Variants in CALN1 observed in about 807,000 individuals in gnomAD.
CALN1 encodes calcium-binding protein 8.
A neutral mutation model predicts 30.6 loss-of-function variants in CALN1; 17 were observed. That is an observed-to-expected ratio of 0.56 (90% CI 0.38 to 0.83). The LOEUF (loss-of-function observed/expected upper bound fraction) is 0.83. CALN1 is among the 40% of genes least tolerant of loss of function. CALN1 has a pLI of 0.00. For synonymous variants in CALN1, 156 were observed against 131.4 expected (o/e 1.19, Z -1.28); for missense variants, 291 against 354.9 (o/e 0.82, Z 1.45).
At chr7:72,301,947 G>A (rs2129555690) in intron 2 of CALN1, among the ~76,000 whole-genome samples, 1 of 152,178 alleles carries the variant, frequency 6.6e-6, no homozygotes, top group South Asian at 2.1e-4. Context: ...GACAGAAAAG[G>A]TGACCCCAGA....
intron 1 of CALN1, among the ~76,000 whole-genome samples, chr7:72,405,512 C>T (rs887363960): frequency 6.6e-5 from 10 of 152,152 alleles, no homozygotes; most frequent in African/African-American, 1.9e-4. Context: ...ATGGCTCCCA[C>T]GCAACTTCAC....
chr7:72,085,438 A>C (rs1241619840), intron 4 of CALN1, among the ~76,000 whole-genome samples: 1 of 152,162 alleles, frequency 6.6e-6, no homozygotes, highest in African/African-American at 2.4e-5. Flanking sequence ...ATCATTAGTT[A>C]TTGTAATCTC....
chr7:72,222,015 C>T (rs894295520), intron 3 of CALN1, among the ~76,000 whole-genome samples: 2 of 152,000 alleles, frequency 1.3e-5, no homozygotes, highest in East Asian at 3.9e-4. Context: ...CATTTGGGCT[C>T]AGGTGTTTGA....
chr7:72,037,471 T>A (rs1801871773), intron 4 of CALN1, among the ~76,000 whole-genome samples: 1 of 152,178 alleles, frequency 6.6e-6, no homozygotes, highest in Non-Finnish European at 1.5e-5. Context: ...TTTTTGATAG[T>A]CGAACCATAT....
intron 2 of CALN1, among the ~76,000 whole-genome samples, chr7:72,324,212 C>T (rs1354178071): frequency 6.6e-6 from 1 of 152,044 alleles, no homozygotes; most frequent in Non-Finnish European, 1.5e-5. Flanking sequence ...TAAGCCTCCC[C>T]AGAGAATTTT....
intron 5 of CALN1, among the ~76,000 whole-genome samples, chr7:71,858,255 G>A (rs1234102388): frequency 2.6e-5 from 4 of 152,104 alleles, no homozygotes; most frequent in Non-Finnish European, 1.5e-5. Context: ...GAAGAAGGAC[G>A]TGTTTGCTTC....
At chr7:71,823,051 A>G (rs977750825) in intron 5 of CALN1, among the ~76,000 whole-genome samples, 1 of 152,218 alleles carries the variant, frequency 6.6e-6, no homozygotes, top group East Asian at 1.9e-4. Flanking sequence ...CATTCTTAGA[A>G]TTCTGATAAT....
intron 4 of CALN1, among the ~76,000 whole-genome samples, chr7:72,040,894 A>C (rs1468889552): frequency 6.6e-6 from 1 of 152,150 alleles, no homozygotes; most frequent in Non-Finnish European, 1.5e-5. Context: ...CAAAAAAATA[A>C]ACAAATTTCT....
the CALN1 span, among the ~76,000 whole-genome samples, chr7:72,470,004 C>T: frequency 6.6e-6 from 1 of 152,070 alleles, no homozygotes; most frequent in Non-Finnish European, 1.5e-5. Context: ...GAATTACTCC[C>T]TTCAGTTTCC....
At chr7:72,112,420 G>A (rs1807646128) in intron 3 of CALN1, among the ~76,000 whole-genome samples, 1 of 152,158 alleles carries the variant, frequency 6.6e-6, no homozygotes, top group South Asian at 2.1e-4. Context: ...TGCATAAAGT[G>A]ATGGCTTTAT....
At position 71,780,213 on chromosome 7, in the gene CALN1, G is replaced by T. The variant is rs1020842402; in HGVS notation, c.*7562C>A. On this transcript the variant is annotated 3_prime_UTR_variant, in exon 7 of 7. Transcript: ENST00000395275. The stretch of plus-strand genomic sequence containing the variant: ...CCCCTGAAAGCTGATTTTGAGCTAA[G>T]AAAGAGAAAATATGCTTTAATTTTC... 1 of 152,330 alleles carries T rather than the reference G, an allele frequency of 6.6e-6. No individual in the cohort carries two copies. The highest frequency in any genetic ancestry group is 6.5e-5 in the Admixed American group (1 of 15,294). 9.4% of individuals were successfully genotyped at this position (152,330 alleles called of 1,614,324 possible).
intron 3 of CALN1, among the ~76,000 whole-genome samples, chr7:72,274,123 T>C (rs1797186185): frequency 6.6e-6 from 1 of 151,560 alleles, no homozygotes; most frequent in South Asian, 2.1e-4. Context: ...AATAGGAAAA[T>C]AAATTAAGAT....
At chr7:72,140,276 AAGAGAGAGAGAGAG>A (rs71069028) in intron 3 of CALN1, among the ~76,000 whole-genome samples, 3 of 119,958 alleles carry the variant, frequency 2.5e-5, no homozygotes, top group East Asian at 2.5e-4. Context: ...GTCTCAAAAT[AAGAGAGAGAGAGAG>A]AGAGAGAGAG....
chr7:71,861,802 AG>A, intron 5 of CALN1, among the ~76,000 whole-genome samples: 1 of 138,068 alleles, frequency 7.2e-6, no homozygotes, highest in Non-Finnish European at 1.6e-5. Flanking sequence ...AAAAAAAAAG[AG>A]AGAGAGAGTA....
At chr7:72,369,004 G>A (rs867686574) in intron 2 of CALN1, among the ~76,000 whole-genome samples, 54 of 151,418 alleles carry the variant, frequency 3.6e-4, no homozygotes, top group African/African-American at 1.2e-3. Flanking sequence ...TAGTAGAAAC[G>A]GGGTTTCACC....
rs913598467 is a variant in CALN1, at chr7:72,111,492, C to T, written c.245-5198G>A. 2.0e-5 allele frequency among the ~76,000 whole-genome samples: 3 copies of T among 152,110 alleles called. No homozygotes were observed. In the East Asian group the frequency reaches 5.8e-4, roughly 29 times the overall value. On this transcript the variant is annotated intron_variant, in intron 3 of 6. Coordinates refer to ENST00000395275, the MANE Select transcript of CALN1 (RefSeq NM_031468.4). ...TTTTTTTTTCTGAGATAGTCTTGCT[C>T]TGTTGCCCAGGCTGAAGTGCAGTGG...
rs759811191 is a variant in CALN1, at chr7:72,395,376, C to CACACAT, written c.119+7874_119+7875insATGTGT. Among the ~76,000 whole-genome samples, 535 of 152,000 alleles carry CACACAT rather than the reference C, an allele frequency of 3.5e-3. 4 individuals are homozygous for CACACAT. Among genetic ancestry groups the CACACAT allele is most frequent in the Non-Finnish European group, 3.9e-3 (263 of 67,938 alleles). On this transcript the variant is annotated intron_variant, in intron 2 of 6. Transcript: ENST00000395275. ...ACGCGCGCGCACACACACACACACA[C>CACACAT]ATATCCAGGGTTCCAGGCTCAAACT...
intron 5 of CALN1, among the ~76,000 whole-genome samples, chr7:71,866,005 T>C (rs1306483672): frequency 2.0e-5 from 3 of 151,698 alleles, no homozygotes; most frequent in Non-Finnish European, 2.9e-5. Context: ...ACAAGGCACA[T>C]TTTTTTTCTT....
intron 4 of CALN1, among the ~76,000 whole-genome samples, chr7:72,057,115 A>ATT (rs1455028867): frequency 5.9e-5 from 9 of 151,740 alleles, no homozygotes; most frequent in African/African-American, 2.2e-4. Flanking sequence ...TGTTTTTTAA[A>ATT]AAAAAAAAGT....
Sources: gnomAD v4.1 joint callset for allele counts (sites outside exome capture counted in the v4.1 genomes callset) on GRCh38, gnomAD v4.1.1 for gene constraint, MANE v1.5 for transcripts, NCBI Gene and HGNC (gene_info 2026-07-23, HGNC 2026-07-21) for gene names.